WDR93: variants seen among roughly 807,000 people sequenced by gnomAD.
The protein encoded by WDR93 is WD repeat domain 93, also known as WD repeat-containing protein 93.
A neutral mutation model predicts 82.9 loss-of-function variants in WDR93; 73 were observed. That is an observed-to-expected ratio of 0.88 (90% confidence interval 0.73 to 1.07). WDR93 has a LOEUF of 1.07. WDR93 is among the 50% of genes least tolerant of loss of function. The pLI, the probability that WDR93 is intolerant of heterozygous loss-of-function variation, is 0.00. For missense variants in WDR93, 738 were observed against 826.0 expected (o/e 0.89, Z 1.31); for synonymous variants, 283 against 300.1 (o/e 0.94, Z 0.59).
intron 7 of WDR93, among the ~76,000 whole-genome samples, chr15:89,718,457 G>A (rs993222736): frequency 1.3e-5 from 2 of 151,146 alleles, no homozygotes; most frequent in African/African-American, 4.9e-5. Context: ...CTGGGAGACA[G>A]CTGTCTAAAA....
rs779464002 is a variant in WDR93 at position 89,737,579 on chromosome 15, A to C, written c.1615A>C (p.Ile539Leu). Reference protein sequence around the residue: ...PVPALPGMVLIFSKNGSVCLM... With the variant: ...PVPALPGMVLLFSKNGSVCLM... ...CCATCTCTTTGCTTCCCAGGTGCTC[A>C]TCTTTTCCAAGAATGGCTCTGTGTG... The change falls in exon 15 of 17, where the codon ATC (isoleucine) becomes CTC (leucine). Residue 539 changes from isoleucine to leucine, a missense_variant. Transcript: ENST00000268130. The C allele has an allele frequency of 2.5e-6, 4 of 1,614,198 alleles. No homozygotes were observed. Among genetic ancestry groups the C allele is most frequent in the South Asian group, 2.2e-5 (2 of 91,080 alleles).
intron 1 of WDR93, among the ~76,000 whole-genome samples, chr15:89,698,067 G>A (rs1194447709): frequency 6.6e-6 from 1 of 151,140 alleles, no homozygotes; most frequent in South Asian, 2.1e-4. Context: ...TGTAATTTTA[G>A]TAGGGACAGG....
In WDR93 at chr15:89,714,790, A is replaced by C. The variant is rs182293681; in HGVS notation, c.641-190A>C. 9.5e-4 allele frequency among the ~76,000 whole-genome samples: 145 copies of C among 152,234 alleles called. 1 individual carries two copies. The highest frequency in any genetic ancestry group is 3.3e-3 in the African/African-American group (135 of 41,536). ...GTTGAGGGGATAACTCTCCATGGGA[A>C]AGTTATGTGGGGCATGAGGACTTGC... On this transcript the variant is annotated intron_variant, in intron 5 of 16. Coordinates refer to ENST00000268130, the MANE Select transcript of WDR93 (RefSeq NM_020212.2).
Position 89,727,334 on chromosome 15 carries a change from C to T in WDR93, c.1052+6C>T, listed in dbSNP as rs150736014. On this transcript the variant is annotated splice_donor_region_variant and intron_variant, in intron 9 of 16. Coordinates refer to ENST00000268130, the MANE Select transcript of WDR93 (RefSeq NM_020212.2). The stretch of plus-strand genomic sequence containing the variant: ...TGGGAGGAAGAGCCACTCAGGTGAG[C>T]CTCCTAATCCCGGGAAAGCCAGGGA... 3.1e-5 allele frequency: 50 copies of T among 1,613,044 alleles called. 1 individual carries two copies. In the African/African-American group the frequency reaches 5.3e-4, roughly 17 times the overall value.
intron 3 of WDR93, chr15:89,703,442 C>T (rs570737130): frequency 2.4e-6 from 1 of 413,356 alleles, no homozygotes; most frequent in South Asian, 2.9e-5. Flanking sequence ...CATGGAAAGT[C>T]AGGCTTCAAA....
intron 7 of WDR93, 96 bp downstream of exon 7, chr15:89,717,045 CTT>C (rs11457156): frequency 0.077 from 13,029 of 170,072 alleles, 46 homozygotes; most frequent in Middle Eastern, 0.11. Flanking sequence ...CTTTTTCTTT[CTT>C]TTTTTTTTTT....
chr15:89,741,332 G>A (rs1294678274), intron 16 of WDR93, among the ~76,000 whole-genome samples: 2 of 152,080 alleles, frequency 1.3e-5, no homozygotes, highest in Non-Finnish European at 2.9e-5. Flanking sequence ...CCGGGCTCAG[G>A]CAATCCTGCC....
chr15:89,703,304 T>A, intron 3 of WDR93, 162 bp downstream of exon 3: 1 of 724,712 alleles, frequency 1.4e-6, no homozygotes, highest in South Asian at 1.9e-5. Context: ...GGTCAGATAC[T>A]GTTCTACCAT....
At chr15:89,698,112 C>T (rs1352411622) in intron 1 of WDR93, among the ~76,000 whole-genome samples, 2 of 151,858 alleles carry the variant, frequency 1.3e-5, no homozygotes, top group African/African-American at 4.8e-5. Context: ...TCTCGATCTT[C>T]TGACCTCGTG....
intron 6 of WDR93, among the ~76,000 whole-genome samples, chr15:89,715,987 A>T (rs1447780451): frequency 1.3e-5 from 2 of 152,232 alleles, no homozygotes; most frequent in African/African-American, 2.4e-5. Flanking sequence ...CACCAACATT[A>T]ATATATTAAT....
At chr15:89,722,211 T>C (rs1966556629) in intron 8 of WDR93, 72 bp downstream of exon 8, 2 of 1,189,622 alleles carry the variant, frequency 1.7e-6, no homozygotes, top group Non-Finnish European at 2.4e-6. Context: ...CCATGTCTTA[T>C]CTTTTCAACT....
intron 9 of WDR93, among the ~76,000 whole-genome samples, chr15:89,727,601 G>A (rs188259389): frequency 2.6e-5 from 4 of 152,170 alleles, no homozygotes; most frequent in Admixed American, 1.3e-4. Context: ...AATTTTGAGC[G>A]AACATCAGCA....
chr15:89,743,489 C>A lies in WDR93; in HGVS notation c.*98C>A. On this transcript the variant is annotated 3_prime_UTR_variant, in exon 17 of 17. Coordinates refer to ENST00000268130, the MANE Select transcript of WDR93 (RefSeq NM_020212.2). ...CAAGAGAAATGTAACAGAGCCACAG[C>A]TCCACAGGCCTGCACTCGGAGTCTG... is the stretch of plus-strand genomic sequence containing the variant. 1 of 1,139,104 alleles carries A rather than the reference C, an allele frequency of 8.8e-7. No individual in the cohort carries two copies. The highest frequency in any genetic ancestry group is 1.3e-6 in the Non-Finnish European group (1 of 777,134). The allele number at this position is 1,139,104 out of a possible 1,614,324, so 70.6% of individuals were successfully genotyped here.
intron 1 of WDR93, among the ~76,000 whole-genome samples, chr15:89,691,722 A>AAAAAT (rs59373085): frequency 0.64 from 96,320 of 150,586 alleles, 31,567 homozygotes; most frequent in Non-Finnish European, 0.71. Flanking sequence ...GCTGTCTCAA[A>AAAAAT]AAAATAAAAT....
chr15:89,729,849 G>A (rs1966844313), intron 11 of WDR93, 80 bp downstream of exon 11: 1 of 1,188,734 alleles, frequency 8.4e-7, no homozygotes, highest in Non-Finnish European at 1.2e-6. Flanking sequence ...AAGAGCATGT[G>A]ACTGACATAC....
chr15:89,697,113 C>A (rs1210579732), intron 1 of WDR93, among the ~76,000 whole-genome samples: 3 of 152,100 alleles, frequency 2.0e-5, no homozygotes, highest in Non-Finnish European at 4.4e-5. Flanking sequence ...ACGCCACCCC[C>A]ACCCCAGTGG....
At chr15:89,709,029 C>A (rs909207060) in intron 4 of WDR93, among the ~76,000 whole-genome samples, 1 of 152,198 alleles carries the variant, frequency 6.6e-6, no homozygotes, top group Non-Finnish European at 1.5e-5. Flanking sequence ...CTATTGCAGC[C>A]GTCCGGTGCA....
chr15:89,690,525 G>C (rs182346553), upstream of WDR93: 4,005 of 1,401,678 alleles, frequency 2.9e-3, 13 homozygotes, highest in Non-Finnish European at 3.5e-3. Context: ...GAATAGGCAC[G>C]GGAGCCGAGT....
At chr15:89,740,270 C>T (rs1967552589) in intron 16 of WDR93, among the ~76,000 whole-genome samples, 1 of 152,182 alleles carries the variant, frequency 6.6e-6, no homozygotes, top group African/African-American at 2.4e-5. Flanking sequence ...CTTCCTAGCT[C>T]ATACCTGCAC....
Sources: allele counts gnomAD v4.1 joint callset (sites outside exome capture counted in the v4.1 genomes callset), GRCh38; gene constraint gnomAD v4.1.1; transcripts MANE v1.5; gene names NCBI Gene and HGNC (gene_info 2026-07-23, HGNC 2026-07-21).